The following RBMS3 variants were observed in gnomAD, a reference collection of about 807,000 sequenced individuals.
The protein encoded by RBMS3 is RNA-binding motif, single-stranded-interacting protein 3.
In RBMS3, 27 loss-of-function variants were observed where a neutral mutation model predicts 66.8. The ratio of observed to expected loss-of-function variants is 0.40; its 90% CI spans 0.30 to 0.56. RBMS3 has a LOEUF of 0.56. RBMS3 is among the 20% of genes least tolerant of loss of function. RBMS3 has a pLI of 0.40. For missense variants in RBMS3, 513 were observed against 549.5 expected, an observed-to-expected ratio of 0.93 and a Z score of 0.66; for synonymous variants, 188 against 183.0, an observed-to-expected ratio of 1.03 and a Z score of -0.22.
In RBMS3 at chr3:29,674,985, G is replaced by A. The variant is rs546236361; in HGVS notation, c.400-64735G>A. Among the ~76,000 whole-genome samples the A allele has an allele frequency of 1.6e-4, 25 of 152,240 alleles. 1 individual carries two copies. The South Asian group carries it at 2.3e-3, about 14-fold the overall frequency. On this transcript the variant is annotated intron_variant, in intron 4 of 14. Coordinates refer to ENST00000383767, the MANE Select transcript of RBMS3 (RefSeq NM_001003793.3). The stretch of plus-strand genomic sequence containing the variant: ...AAAAGAACAAAGCTGGAGGCATCAC[G>A]CTACCTGACTTCAAACTATACTACA...
intron 3 of RBMS3, among the ~76,000 whole-genome samples, chr3:29,514,660 T>TATATATATATATATATATAC (rs1553614285): frequency 7.0e-6 from 1 of 142,686 alleles, no homozygotes; most frequent in Admixed American, 7.0e-5. Context: ...CATATATATA[T>TATATATATATATATATATAC]ATATATATAT....
intron 4 of RBMS3, among the ~76,000 whole-genome samples, chr3:29,636,208 T>A (rs1427253651): frequency 6.6e-6 from 1 of 151,840 alleles, no homozygotes; most frequent in Non-Finnish European, 1.5e-5. Context: ...AGCATTACTA[T>A]ACTCACTTGT....
intron 5 of RBMS3, among the ~76,000 whole-genome samples, chr3:29,740,418 A>G (rs916907317): frequency 2.0e-5 from 3 of 152,190 alleles, no homozygotes; most frequent in Non-Finnish European, 2.9e-5. Flanking sequence ...GGCCCTGGCT[A>G]TGTTTTTGAT....
intron 6 of RBMS3, chr3:29,766,171 G>T (rs942653216): frequency 6.6e-6 from 1 of 151,914 alleles, no homozygotes; most frequent in Non-Finnish European, 1.5e-5. Flanking sequence ...GCACAGTGTG[G>T]GGAAAATGTG....
chr3:29,818,687 A>G (rs1233483990), intron 6 of RBMS3, among the ~76,000 whole-genome samples: 1 of 152,182 alleles, frequency 6.6e-6, no homozygotes, highest in Non-Finnish European at 1.5e-5. Context: ...GTCAACCAAC[A>G]TACCATAACT....
At chr3:29,328,670 T>TGA (rs995892411) in intron 1 of RBMS3, among the ~76,000 whole-genome samples, 27 of 152,206 alleles carry the variant, frequency 1.8e-4, no homozygotes, top group Non-Finnish European at 1.5e-5. Flanking sequence ...TTCCTTCTAA[T>TGA]GAGAGCTCAG....
rs551733790 is a variant in RBMS3, at chr3:29,663,503, T to G, written c.400-76217T>G. On this transcript the variant is annotated intron_variant, in intron 4 of 14. Coordinates refer to ENST00000383767, the MANE Select transcript of RBMS3 (RefSeq NM_001003793.3). ...TTAATGAACTTTCTTTTCTGATTCT[T>G]CTTACAATTTGATAGCCTTCTTCCA... Among the ~76,000 whole-genome samples, 58 of 152,330 alleles carry G rather than the reference T, an allele frequency of 3.8e-4. 1 individual carries two copies. The South Asian group carries it at 3.9e-3, about 10-fold the overall frequency.
At chr3:29,410,994 A>G (rs1019737538) in intron 1 of RBMS3, among the ~76,000 whole-genome samples, 177 of 150,748 alleles carry the variant, frequency 1.2e-3, no homozygotes, top group Non-Finnish European at 2.0e-3. Context: ...CAACACAACT[A>G]CATGTAAGCA....
At chr3:29,993,112 A>G (rs1440001747) in intron 14 of RBMS3, among the ~76,000 whole-genome samples, 1 of 149,808 alleles carries the variant, frequency 6.7e-6, no homozygotes, top group Non-Finnish European at 1.5e-5. Context: ...TCAGAATATG[A>G]CTTAAACTTA....
intron 3 of RBMS3, among the ~76,000 whole-genome samples, chr3:29,575,212 T>C (rs1463993260): frequency 6.6e-6 from 1 of 152,108 alleles, no homozygotes; most frequent in Admixed American, 6.5e-5. Context: ...TATTTTTTCA[T>C]CTAGAAAGGT....
chr3:29,727,053 A>G (rs1047572467), intron 4 of RBMS3, among the ~76,000 whole-genome samples: 1 of 152,190 alleles, frequency 6.6e-6, no homozygotes, highest in African/African-American at 2.4e-5. Context: ...GGCCTCAGAA[A>G]TAACACCACA....
chr3:29,712,925 A>G (rs184744289), intron 4 of RBMS3, among the ~76,000 whole-genome samples: 2 of 152,214 alleles, frequency 1.3e-5, no homozygotes, highest in Admixed American at 1.3e-4. Flanking sequence ...CTTTGTTTCC[A>G]TAATTATGTG....
intron 1 of RBMS3, among the ~76,000 whole-genome samples, chr3:29,377,683 C>G (rs899840398): frequency 3.3e-5 from 5 of 152,182 alleles, no homozygotes; most frequent in East Asian, 1.9e-4. Flanking sequence ...GTGCCCACCT[C>G]TCAACCAATC....
chr3:29,864,056 GGAAA>G (rs2059285051), intron 6 of RBMS3, among the ~76,000 whole-genome samples: 1 of 152,088 alleles, frequency 6.6e-6, no homozygotes, highest in African/African-American at 2.4e-5. Flanking sequence ...CTTTTAATGA[GGAAA>G]GATTTTCTGG....
intron 12 of RBMS3, among the ~76,000 whole-genome samples, chr3:29,951,337 G>C (rs921193180): frequency 2.0e-5 from 3 of 151,594 alleles, no homozygotes; most frequent in Non-Finnish European, 4.4e-5. Context: ...GAAAAAGTAT[G>C]GTAGAAAAAA....
chr3:29,702,764 C>T (rs2052683909), intron 4 of RBMS3, among the ~76,000 whole-genome samples: 2 of 152,188 alleles, frequency 1.3e-5, no homozygotes, highest in African/African-American at 4.8e-5. Flanking sequence ...CTCCTGAAGC[C>T]AGCGAGACCA....
At chr3:29,952,631 G>A (rs891612998) in intron 12 of RBMS3, among the ~76,000 whole-genome samples, 1 of 151,608 alleles carries the variant, frequency 6.6e-6, no homozygotes, top group African/African-American at 2.4e-5. Flanking sequence ...TTGTTTCCCT[G>A]AGCTGTAATT....
intron 2 of RBMS3, among the ~76,000 whole-genome samples, chr3:29,469,057 A>G (rs2042634475): frequency 6.6e-6 from 1 of 152,138 alleles, no homozygotes; most frequent in Admixed American, 6.5e-5. Context: ...GAACTAGTTT[A>G]TGACTCAATA....
At chr3:29,467,253 C>G (rs1297560937) in intron 2 of RBMS3, among the ~76,000 whole-genome samples, 2 of 152,100 alleles carry the variant, frequency 1.3e-5, no homozygotes, top group Non-Finnish European at 2.9e-5. Context: ...GGAAAGAAAA[C>G]AAGAGTCTCA....
Sources: gnomAD v4.1 joint callset for allele counts (sites outside exome capture counted in the v4.1 genomes callset) on GRCh38, gnomAD v4.1.1 for gene constraint, MANE v1.5 for transcripts, NCBI Gene and HGNC (gene_info 2026-07-23, HGNC 2026-07-21) for gene names.